The following ZNF366 variants were observed in gnomAD, a reference collection of about 807,000 sequenced individuals.
ZNF366 encodes the protein zinc finger protein 366.
Under a neutral mutation model 47.2 loss-of-function variants are expected in ZNF366, and 20 were observed. The ratio of observed to expected loss-of-function variants is 0.42; its 90% CI spans 0.30 to 0.62. The LOEUF is 0.62. Ranked by LOEUF, ZNF366 falls within the 20% of genes least tolerant of loss-of-function variation. ZNF366 has a pLI of 0.16. For missense variants in ZNF366, 987 were observed against 976.3 expected (o/e 1.01, Z -0.15); for synonymous variants, 421 against 395.1 (o/e 1.07, Z -0.78).
rs952289338 is a variant in ZNF366 at position 72,460,402 on chromosome 5, G to A, written c.1095C>T (p.Asn365=). The part of the protein sequence containing the change: ...HEAKHASGRE[N]ICVECGLDFP... ...AGTCGAGGCCGCACTCCACACAGAT[G>A]TTCTCGCGCCCACTGGCGTGCTTGG... The change falls in exon 2 of 5, where the codon AAC becomes AAT. Residue 365 remains asparagine, a synonymous_variant. Coordinates refer to ENST00000318442, the MANE Select transcript of ZNF366 (RefSeq NM_152625.3). The A allele has an allele frequency of 1.2e-6, 2 of 1,614,122 alleles. No individual in the cohort carries two copies. Among genetic ancestry groups the A allele is most frequent in the African/African-American group, 1.3e-5 (1 of 74,954 alleles).
chr5:72,471,772 G>A (rs1743570378), intron 1 of ZNF366, among the ~76,000 whole-genome samples: 1 of 151,992 alleles, frequency 6.6e-6, no homozygotes. Context: ...ATTAGACTTG[G>A]GATTCCCTTC....
At position 72,460,574 on chromosome 5, in the gene ZNF366, G is replaced by A; in HGVS notation, c.923C>T (p.Pro308Leu). The A allele has an allele frequency of 6.2e-7, 1 of 1,614,116 alleles. No homozygotes were observed. The highest frequency in any genetic ancestry group is 8.5e-7 in the Non-Finnish European group (1 of 1,180,044). ...THMLTHQGTR[P>L]HKCQVCHKAF... ...CTTGTGGCACACCTGGCACTTGTGG[G>A]GCCGCGTGCCCTGGTGGGTCAGCAT... is the stretch of plus-strand genomic sequence containing the variant. The change falls in exon 2 of 5, where the codon CCC becomes CTC. Residue 308 changes from proline to leucine, a missense_variant. Coordinates refer to ENST00000318442, the MANE Select transcript of ZNF366 (RefSeq NM_152625.3).
At chr5:72,497,443 C>G (rs148000487) in intron 1 of ZNF366, among the ~76,000 whole-genome samples, 1 of 152,188 alleles carries the variant, frequency 6.6e-6, no homozygotes, top group East Asian at 1.9e-4. Flanking sequence ...TGAACATATA[C>G]TGAGAGTCCA....
At chr5:72,466,055 G>A (rs1340899537) in intron 1 of ZNF366, among the ~76,000 whole-genome samples, 2 of 152,180 alleles carry the variant, frequency 1.3e-5, no homozygotes, top group Non-Finnish European at 2.9e-5. Flanking sequence ...GTTTGATGCT[G>A]TCTAACATCA....
At chr5:72,485,877 C>T (rs989546166) in intron 1 of ZNF366, among the ~76,000 whole-genome samples, 3 of 152,176 alleles carry the variant, frequency 2.0e-5, no homozygotes, top group African/African-American at 7.2e-5. Context: ...CAGGCATTCT[C>T]CTACCCCAGG....
chr5:72,483,800 C>G (rs942507256), intron 1 of ZNF366, among the ~76,000 whole-genome samples: 1 of 152,130 alleles, frequency 6.6e-6, no homozygotes, highest in Non-Finnish European at 1.5e-5. Context: ...GGGGCTTCAT[C>G]CCACTGGAGT....
intron 3 of ZNF366, among the ~76,000 whole-genome samples, chr5:72,453,344 G>A (rs1743114087): frequency 6.6e-6 from 1 of 152,238 alleles, no homozygotes; most frequent in Admixed American, 6.5e-5. Context: ...GACATGAAGT[G>A]GATGGCTCTT....
At chr5:72,491,927 C>A (rs1354729053) in intron 1 of ZNF366, among the ~76,000 whole-genome samples, 1 of 152,224 alleles carries the variant, frequency 6.6e-6, no homozygotes, top group Non-Finnish European at 1.5e-5. Flanking sequence ...CAGCTCTACT[C>A]TGTACTGGCC....
At chr5:72,446,972 G>A (rs1023163435) in intron 4 of ZNF366, among the ~76,000 whole-genome samples, 1 of 152,142 alleles carries the variant, frequency 6.6e-6, no homozygotes, top group South Asian at 2.1e-4. Flanking sequence ...GAATATTAGC[G>A]ACAAGCCACC....
chr5:72,492,510 T>G (rs1744033086), intron 1 of ZNF366, among the ~76,000 whole-genome samples: 1 of 152,214 alleles, frequency 6.6e-6, no homozygotes, highest in South Asian at 2.1e-4. Flanking sequence ...AAACCAACCA[T>G]GTCAGCCAGT....
chr5:72,450,548 C>G (rs1192288971), intron 3 of ZNF366, among the ~76,000 whole-genome samples: 4 of 152,166 alleles, frequency 2.6e-5, no homozygotes. Context: ...ATGCAAAATT[C>G]TAAAAAGCAG....
At position 72,455,945 on chromosome 5, in the gene ZNF366, G is replaced by A. The variant is rs568677586; in HGVS notation, c.1524+459C>T. Among the ~76,000 whole-genome samples, 6 of 151,718 alleles carry A rather than the reference G, an allele frequency of 4.0e-5. No homozygotes were observed. The South Asian group carries it at 8.4e-4, about 21-fold the overall frequency. On this transcript the variant is annotated intron_variant, in intron 3 of 4. Coordinates refer to ENST00000318442, the MANE Select transcript of ZNF366 (RefSeq NM_152625.3). The stretch of plus-strand genomic sequence containing the variant: ...CTCAGCCCAAGTGTCAAGAGGCAAG[G>A]AGAGGAGAGGAGGTGGCGGTGGGTG...
At chr5:72,444,734 T>C (rs1413096888) in intron 4 of ZNF366, among the ~76,000 whole-genome samples, 1 of 152,048 alleles carries the variant, frequency 6.6e-6, no homozygotes, top group Non-Finnish European at 1.5e-5. Context: ...CTACTAATGA[T>C]CACAAAAAGA....
chr5:72,478,927 T>C (rs1042798870), intron 1 of ZNF366, among the ~76,000 whole-genome samples: 1 of 152,240 alleles, frequency 6.6e-6, no homozygotes, highest in Non-Finnish European at 1.5e-5. Flanking sequence ...ATTCAATTTC[T>C]ACTCACATAA....
In ZNF366 at chr5:72,444,164, C is replaced by A; in HGVS notation, c.1827G>T (p.Glu609Asp). The A allele has an allele frequency of 1.9e-6, 3 of 1,613,590 alleles. No individual in the cohort carries two copies. The highest frequency in any genetic ancestry group is 2.5e-6 in the Non-Finnish European group (3 of 1,180,044). ...AKVPVFQSDG[E>D]SAQGSHCHEE... ...CGTGGCAGTGGCTGCCCTGGGCACT[C>A]TCCCCGTCTGACTGGAACACCGGCA... is the stretch of plus-strand genomic sequence containing the variant. Residue 609 changes from glutamate (E) to aspartate (D), a missense_variant, in exon 5 of 5, where the codon GAG becomes GAT. Physicochemically the swap from Glu to Asp is conservative, Grantham distance 45 (BLOSUM62 2). Around this residue, in one of 3 missense-constraint regions of ZNF366, gnomAD observed 285 missense variants for 234.8 expected, o/e 1.21. Transcript: ENST00000318442.
intron 1 of ZNF366, among the ~76,000 whole-genome samples, chr5:72,485,176 T>C (rs1053817829): frequency 6.6e-6 from 1 of 152,214 alleles, no homozygotes; most frequent in African/African-American, 2.4e-5. Context: ...AAAATATTTT[T>C]CAACATTGAC....
intron 1 of ZNF366, among the ~76,000 whole-genome samples, chr5:72,499,588 G>C (rs1015671951): frequency 6.9e-6 from 1 of 144,526 alleles, no homozygotes. Context: ...TCAATATATA[G>C]ATTTTTTAGG....
rs758434118 is a variant in ZNF366 at position 72,447,385 on chromosome 5, G to A, written c.1557C>T (p.Asn519=). ...LCGKEFNRMH[N]LMGHMHLHSD... is the part of the protein sequence containing the mutation. ...AGTGCAGGTGCATGTGGCCCATCAG[G>A]TTGTGCATCCGGTTGAATTCCTTCC... The change falls in exon 4 of 5, where the codon AAC becomes AAT. Residue 519 remains asparagine (N), a synonymous_variant. Coordinates refer to ENST00000318442, the MANE Select transcript of ZNF366 (RefSeq NM_152625.3). 3 of 1,614,218 alleles carry A rather than the reference G, an allele frequency of 1.9e-6. No individual in the cohort carries two copies. The highest frequency in any genetic ancestry group is 1.1e-5 in the South Asian group (1 of 91,082).
At chr5:72,504,060 C>T (rs2112360504) in intron 1 of ZNF366, among the ~76,000 whole-genome samples, 1 of 152,098 alleles carries the variant, frequency 6.6e-6, no homozygotes, top group East Asian at 1.9e-4. Context: ...CACACGCACG[C>T]ACACACGCAC....
Sources: allele counts gnomAD v4.1 joint callset (sites outside exome capture counted in the v4.1 genomes callset), GRCh38; gene constraint gnomAD v4.1.1; regional missense constraint gnomAD v4.1.1; transcripts MANE v1.5; gene names NCBI Gene and HGNC (gene_info 2026-07-23, HGNC 2026-07-21).